The following MYLK3 variants were observed in gnomAD, a reference collection of about 807,000 sequenced individuals.
MYLK3 encodes MLC kinase.
In MYLK3, 55 loss-of-function variants were observed where a neutral mutation model predicts 76.3. The observed-to-expected ratio is 0.72, with a 90% CI of 0.58 to 0.90. The LOEUF (loss-of-function observed/expected upper bound fraction) is 0.90. Ranked by LOEUF, MYLK3 falls within the 40% of genes least tolerant of loss-of-function variation. The pLI is 0.00. For synonymous variants in MYLK3, 416 were observed against 425.4 expected (o/e 0.98, Z 0.27); for missense variants, 973 against 1,053.6 (o/e 0.92, Z 1.06).
intron 1 of MYLK3, among the ~76,000 whole-genome samples, chr16:46,758,906 A>T (rs1269802489): frequency 6.6e-6 from 1 of 152,184 alleles, no homozygotes; most frequent in Non-Finnish European, 1.5e-5. Context: ...GGACTCCGAG[A>T]TATTCAATAT....
At position 46,737,968 on chromosome 16, in the gene MYLK3, G is replaced by A. The variant is rs1966879106; in HGVS notation, c.744C>T (p.Ala248=). The A allele has an allele frequency of 6.2e-7, 1 of 1,614,100 alleles. No homozygotes were observed. The highest frequency in any genetic ancestry group is 8.5e-7 in the Non-Finnish European group (1 of 1,180,022). The part of the protein sequence containing the change: ...GHLPLPTKVE[A]KAPETPSENL... ...TCTCGCTGGGTGTCTCAGGAGCCTT[G>A]GCTTCCACCTTTGTGGGCAGGGGCA... The change falls in exon 3 of 13, where the codon GCC becomes GCT. Residue 248 remains alanine, a synonymous_variant. Transcript: ENST00000394809.
chr16:46,730,690 G>T lies in MYLK3; in HGVS notation c.1471C>A (p.Pro491Thr), dbSNP rs750123468. The change falls in exon 5 of 13, where the codon CCG becomes ACG. Residue 491 changes from proline (P) to threonine (T), a missense_variant. By Grantham distance (38) the Pro-to-Thr change is conservative. Coordinates refer to ENST00000394809, the MANE Select transcript of MYLK3 (RefSeq NM_182493.3). ...TGTTCAAAAGGAGCTGGTGGGGCCG[G>T]ACTGTCATCTGCTCAGGAGGCAATA... ...EAGSVVLDDS[P>T]APPAPFEHRV... 2.1e-5 allele frequency: 34 copies of T among 1,613,786 alleles called. No individual in the cohort carries two copies. Among genetic ancestry groups the T allele is most frequent in the Admixed American group, 1.2e-4 (7 of 59,992 alleles).
rs375127046 is a variant in MYLK3 at position 46,732,312 on chromosome 16, G to A, written c.1358C>T (p.Ala453Val). The change falls in exon 4 of 13, where the codon GCG (alanine) becomes GTG (valine). Residue 453 changes from alanine (A) to valine (V), a missense_variant. Transcript: ENST00000394809. ...LGLQQGKSPG[A>V]GNPEPEQDCA... ...GTCCTGCTCAGGCTCAGGGTTTCCC[G>A]CCCCTGGGCTTTTGCCCTGCTGCAG... The A allele has an allele frequency of 3.7e-5, 60 of 1,611,350 alleles. 1 individual carries two copies. Among genetic ancestry groups the A allele is most frequent in the Middle Eastern group, 1.6e-4 (1 of 6,084 alleles).
upstream of MYLK3, among the ~76,000 whole-genome samples, chr16:46,752,961 C>A (rs1474486675): frequency 6.6e-6 from 1 of 152,172 alleles, no homozygotes; most frequent in African/African-American, 2.4e-5. Context: ...TCCTTCCCCT[C>A]CAGAGACTTC....
chr16:46,763,068 C>T, exon 1 of MYLK3: 1 of 985,470 alleles, frequency 1.0e-6, no homozygotes, highest in Non-Finnish European at 1.2e-6. Context: ...CCCAAGGGAT[C>T]TGTCCAAAAT....
At chr16:46,725,840 T>C (rs1241580566) in intron 8 of MYLK3, 1 of 152,230 alleles carries the variant, frequency 6.6e-6, no homozygotes, top group Non-Finnish European at 1.5e-5. Context: ...AGGTGTTAAT[T>C]CTTCTTCAAA....
chr16:46,707,845 TA>T, intron 12 of MYLK3, 82 bp from the exon 13 acceptor site: 1 of 994,586 alleles, frequency 1.0e-6, no homozygotes. Flanking sequence ...TAAAAGGATT[TA>T]AGTGAGTCCA....
chr16:46,728,913 C>T (rs1330877144), intron 7 of MYLK3, 111 bp downstream of exon 7: 41 of 776,510 alleles, frequency 5.3e-5, no homozygotes, highest in African/African-American at 3.9e-4. Flanking sequence ...CGACCCTGGA[C>T]GTGCCAGGAA....
At chr16:46,715,516 C>T (rs567002033) in intron 9 of MYLK3, among the ~76,000 whole-genome samples, 3 of 152,166 alleles carry the variant, frequency 2.0e-5, no homozygotes, top group African/African-American at 4.8e-5. Context: ...TCACAGGGCT[C>T]GGGGAAGGCA....
chr16:46,726,640 G>GAGAA (rs1222903270), intron 8 of MYLK3: 3 of 111,396 alleles, frequency 2.7e-5, no homozygotes, highest in Non-Finnish European at 3.7e-5. Context: ...AAGAAAGTGA[G>GAGAA]AGAAAGAAAG....
intron 1 of MYLK3, among the ~76,000 whole-genome samples, chr16:46,761,565 C>A (rs1161097285): frequency 6.6e-6 from 1 of 152,104 alleles, no homozygotes; most frequent in East Asian, 1.9e-4. Flanking sequence ...GCCTGTAATC[C>A]CAGCACTTTG....
chr16:46,727,413 AG>A, intron 7 of MYLK3, 36 bp from the exon 8 acceptor site: 1 of 1,584,210 alleles, frequency 6.3e-7, no homozygotes, highest in Non-Finnish European at 8.6e-7. Context: ...CACCAGCCTA[AG>A]CAAGGCTCTT....
chr16:46,747,365 C>G (rs922639967), intron 1 of MYLK3, among the ~76,000 whole-genome samples: 3 of 152,216 alleles, frequency 2.0e-5, no homozygotes, highest in Non-Finnish European at 4.4e-5. Context: ...CTGCCTGTCC[C>G]ACCCCATGTG....
chr16:46,709,750 A>T, intron 11 of MYLK3, 79 bp from the exon 12 acceptor site: 1 of 1,513,066 alleles, frequency 6.6e-7, no homozygotes, highest in Non-Finnish European at 9.0e-7. Flanking sequence ...TTGAGTAGGA[A>T]GCCTGAGTCA....
intron 2 of MYLK3, 115 bp downstream of exon 2, chr16:46,739,942 A>G (rs1221950505): frequency 2.7e-6 from 2 of 744,210 alleles, no homozygotes; most frequent in Non-Finnish European, 4.5e-6. Flanking sequence ...AAAACAAGAA[A>G]AAAAGAAGCT....
rs1966877821 is a variant in MYLK3 at position 46,737,881 on chromosome 16, G to T, written c.831C>A (p.Ser277Arg). Residue 277 changes from serine (S) to arginine (R), a missense_variant, in exon 3 of 13, where the codon AGC becomes AGA. Coordinates refer to ENST00000394809, the MANE Select transcript of MYLK3 (RefSeq NM_182493.3). ...GTCCTGCACCTGGTGCAACCTCCAG[G>T]CTCGGGGAGACCACATTGACCCTGC... ...APGRVNVVSPSLEVAPGAGQG... is the reference protein window; with the variant it reads ...APGRVNVVSPRLEVAPGAGQG... 2 of 1,614,050 alleles carry T rather than the reference G, an allele frequency of 1.2e-6. No individual in the cohort carries two copies. The highest frequency in any genetic ancestry group is 3.3e-5 in the Admixed American group (2 of 60,010).
Position 46,727,426 on chromosome 16 carries a change from A to G in MYLK3, c.1773-49T>C. On this transcript the variant is annotated intron_variant, in intron 7 of 12. Transcript: ENST00000394809. ...GGCACCAGCCTAAGCAAGGCTCTTC[A>G]GGGCTTGTCCACTGTCATTATAGGG... The G allele has an allele frequency of 1.9e-6, 3 of 1,564,128 alleles. No individual in the cohort carries two copies. In the South Asian group the frequency reaches 3.6e-5, roughly 19 times the overall value.
intron 3 of MYLK3, among the ~76,000 whole-genome samples, chr16:46,737,431 T>C (rs1435051315): frequency 6.6e-6 from 1 of 152,138 alleles, no homozygotes; most frequent in African/African-American, 2.4e-5. Context: ...CTGGGAAGCA[T>C]GTAAAAAAGA....
intron 10 of MYLK3, chr16:46,711,662 C>CA (rs1966685194): frequency 2.3e-6 from 1 of 441,564 alleles, no homozygotes; most frequent in South Asian, 1.6e-5. Flanking sequence ...AGGCATGATC[C>CA]AGCTCCATTT....
Sources: allele counts gnomAD v4.1 joint callset (sites outside exome capture counted in the v4.1 genomes callset), GRCh38; gene constraint gnomAD v4.1.1; transcripts MANE v1.5; gene names NCBI Gene and HGNC (gene_info 2026-07-23, HGNC 2026-07-21).